The following GABRR2 variants were observed in gnomAD, a reference collection of about 807,000 sequenced individuals.
GABRR2 encodes gamma-aminobutyric acid type A receptor subunit rho2, also known as gamma-aminobutyric acid receptor subunit rho-2.
Under a neutral mutation model 47.0 loss-of-function variants are expected in GABRR2, and 36 were observed. The observed-to-expected ratio is 0.77, with a 90% CI of 0.59 to 1.01. GABRR2 has a LOEUF of 1.01. Among genes scored for constraint, GABRR2 ranks in the 50% least tolerant of loss-of-function variants. The probability of loss-of-function intolerance (pLI) is 0.00; values close to 1 mark genes in which losing one functional copy is unlikely to be tolerated. For synonymous variants in GABRR2, 204 were observed against 227.5 expected, an observed-to-expected ratio of 0.90 and a Z score of 0.93; for missense variants, 587 against 594.6, an observed-to-expected ratio of 0.99 and a Z score of 0.13.
At chr6:89,311,535 A>T (rs1582468923) in intron 1 of GABRR2, among the ~76,000 whole-genome samples, 1 of 151,876 alleles carries the variant, frequency 6.6e-6, no homozygotes, top group Non-Finnish European at 1.5e-5. Context: ...CTGAGCCCCC[A>T]CCCACCCATG....
At position 89,267,689 on chromosome 6, in the gene GABRR2, G is replaced by A. The variant is rs141646911; in HGVS notation, c.726C>T (p.Tyr242=). The A allele has an allele frequency of 2.7e-5, 43 of 1,613,112 alleles. No individual in the cohort carries two copies. The highest frequency in any genetic ancestry group is 3.5e-5 in the Non-Finnish European group (41 of 1,179,588). The part of the protein sequence containing the change: ...KFHTTSRLAF[Y]SSTGWYNRLY... ...GCAAAAGATAGCTACCAGTGCTGCT[G>A]TAGAAGGCCAGCCTGGAAGTTGTGT... The change falls in exon 6 of 9, where the codon TAC becomes TAT. Residue 242 remains tyrosine (Y), a synonymous_variant. Coordinates refer to ENST00000402938, the MANE Select transcript of GABRR2 (RefSeq NM_002043.5).
intron 2 of GABRR2, among the ~76,000 whole-genome samples, chr6:89,273,482 G>A (rs1024898505): frequency 3.9e-5 from 6 of 152,166 alleles, no homozygotes; most frequent in East Asian, 1.9e-4. Flanking sequence ...TGATCCGCCC[G>A]CCTCGGCCTC....
intron 2 of GABRR2, among the ~76,000 whole-genome samples, chr6:89,293,688 G>A (rs1774507282): frequency 6.6e-6 from 1 of 152,236 alleles, no homozygotes. Context: ...TCAGGAGGCT[G>A]AAGTGGAAGG....
Position 89,257,427 on chromosome 6 carries a change from G to C in GABRR2, c.*243C>G, listed in dbSNP as rs1773623845. ...GTGAATTAGTTCACACACAAGAACA[G>C]AAGGTCCCAGAGAGATGTGAAGTGT... On this transcript the variant is annotated 3_prime_UTR_variant, in exon 9 of 9. Transcript: ENST00000402938. 1 of 507,760 alleles carries C rather than the reference G, an allele frequency of 2.0e-6. No individual in the cohort carries two copies. Among genetic ancestry groups the C allele is most frequent in the Non-Finnish European group, 3.5e-6 (1 of 287,256 alleles). The allele number at this position is 507,760 out of a possible 1,614,324, so 31.5% of individuals were successfully genotyped here.
rs1773642024 is a variant in GABRR2 at position 89,257,877 on chromosome 6, G to A, written c.1191C>T (p.Ile397=). 5.0e-6 allele frequency: 8 copies of A among 1,614,030 alleles called. No homozygotes were observed. Among genetic ancestry groups the A allele is most frequent in the Non-Finnish European group, 6.8e-6 (8 of 1,179,874 alleles). Residue 397 remains isoleucine, a synonymous_variant, in exon 9 of 9, where the codon ATC becomes ATT. Coordinates refer to ENST00000402938, the MANE Select transcript of GABRR2 (RefSeq NM_002043.5). ...NSLAGYPRSH[I]LTEEERQDKI... is the part of the protein sequence containing the mutation. ...TGTCTTGCCTTTCTTCTTCTGTCAG[G>A]ATATGGCTTCTGGGGTACCCAGCCA...
intron 2 of GABRR2, among the ~76,000 whole-genome samples, chr6:89,273,892 C>G (rs1774108717): frequency 6.6e-6 from 1 of 152,238 alleles, no homozygotes; most frequent in Admixed American, 6.5e-5. Flanking sequence ...CCTACTTTCT[C>G]TAAAGTGCCA....
chr6:89,288,875 G>A (rs758624534), intron 2 of GABRR2, among the ~76,000 whole-genome samples: 4 of 152,096 alleles, frequency 2.6e-5, no homozygotes, highest in South Asian at 2.1e-4. Context: ...TTCAAATTCC[G>A]GCCTCAAGAG....
intron 1 of GABRR2, among the ~76,000 whole-genome samples, chr6:89,314,342 C>G (rs552704462): frequency 6.6e-6 from 1 of 152,146 alleles, no homozygotes; most frequent in East Asian, 1.9e-4. Context: ...GTCCTTATGT[C>G]TACTTCAGGC....
intron 2 of GABRR2, among the ~76,000 whole-genome samples, chr6:89,287,134 G>A (rs909166214): frequency 3.3e-5 from 5 of 152,158 alleles, no homozygotes; most frequent in South Asian, 2.1e-4. Flanking sequence ...CGCGGCAACC[G>A]GGGCCCTGCT....
In GABRR2 at chr6:89,256,978, A is replaced by C. The variant is rs1773612721; in HGVS notation, c.*692T>G. ...GGGTTGAAGGAGGGGAAAGAGCAGA[A>C]GTACATCATGCCATATGTAGAATGA... On this transcript the variant is annotated 3_prime_UTR_variant, in exon 9 of 9. Transcript: ENST00000402938. Among the ~76,000 whole-genome samples, 1 of 152,196 alleles carries C rather than the reference A, an allele frequency of 6.6e-6. No homozygotes were observed. Among genetic ancestry groups the C allele is most frequent in the Admixed American group, 6.5e-5 (1 of 15,284 alleles).
chr6:89,307,105 C>T (rs1767581239), intron 1 of GABRR2, among the ~76,000 whole-genome samples: 1 of 152,194 alleles, frequency 6.6e-6, no homozygotes, highest in Admixed American at 6.5e-5. Context: ...GAAATTTAAA[C>T]CAATTCCATT....
At chr6:89,267,219 C>T (rs1228570209) in intron 6 of GABRR2, among the ~76,000 whole-genome samples, 1 of 151,964 alleles carries the variant, frequency 6.6e-6, no homozygotes, top group Non-Finnish European at 1.5e-5. Context: ...AGGCTGGTCT[C>T]GAACTCCTGG....
rs1300557996 is a variant in GABRR2 at position 89,255,760 on chromosome 6, G to C, written c.*1910C>G. On this transcript the variant is annotated 3_prime_UTR_variant, in exon 9 of 9. Transcript: ENST00000402938. Reference sequence around the variant, plus strand: ...TCTCCCCATGCGTCCGCTCAAGCTGGTCTCTTGGCTGGTAGAGCTTCCTGG... The same window carrying C: ...TCTCCCCATGCGTCCGCTCAAGCTGCTCTCTTGGCTGGTAGAGCTTCCTGG... Among the ~76,000 whole-genome samples the C allele has an allele frequency of 6.6e-6, 1 of 152,110 alleles. No individual in the cohort carries two copies. Among genetic ancestry groups the C allele is most frequent in the African/African-American group, 2.4e-5 (1 of 41,408 alleles).
intron 2 of GABRR2, among the ~76,000 whole-genome samples, chr6:89,277,279 C>T (rs570267783): frequency 7.2e-5 from 11 of 152,334 alleles, no homozygotes; most frequent in Admixed American, 4.6e-4. Flanking sequence ...CTTGCTTCTC[C>T]TTCACCTTCT....
intron 6 of GABRR2, among the ~76,000 whole-genome samples, chr6:89,266,831 T>G (rs1205755100): frequency 6.6e-6 from 1 of 152,138 alleles, no homozygotes; most frequent in Admixed American, 6.6e-5. Flanking sequence ...TCTTTATTTT[T>G]TTGAATAGAG....
Position 89,264,627 on chromosome 6 carries a change from G to T in GABRR2, c.890-19C>A. Reference sequence around the variant, plus strand: ...GTGATACCTGCAACACCCGGCCTTAGTTGGGCTGCTGACAGCGGTCTAGAA... The same window carrying T: ...GTGATACCTGCAACACCCGGCCTTATTTGGGCTGCTGACAGCGGTCTAGAA... On this transcript the variant is annotated intron_variant, in intron 7 of 8. Transcript: ENST00000402938. 6.2e-7 allele frequency: 1 copy of T among 1,613,448 alleles called. No homozygotes were observed.
intron 2 of GABRR2, among the ~76,000 whole-genome samples, chr6:89,277,815 G>T (rs12211653): frequency 1.4e-5 from 2 of 138,702 alleles, no homozygotes; most frequent in African/African-American, 2.6e-5. Context: ...CCAGGTGTTG[G>T]CAAGGATATG....
At chr6:89,296,897 A>G (rs1228668976) in intron 2 of GABRR2, among the ~76,000 whole-genome samples, 1 of 152,230 alleles carries the variant, frequency 6.6e-6, no homozygotes, top group Admixed American at 6.5e-5. Context: ...AAAGAAACCT[A>G]AGTTCTGCCT....
In GABRR2 at chr6:89,255,722, CA is replaced by C. The variant is rs1773587149; in HGVS notation, c.*1947del. ...CCACAAACCCTGTTCTCTGCAATGG[CA>C]AACCTTCCCATTCTCCCCATGCGTC... On this transcript the variant is annotated 3_prime_UTR_variant, in exon 9 of 9. Coordinates refer to ENST00000402938, the MANE Select transcript of GABRR2 (RefSeq NM_002043.5). Among the ~76,000 whole-genome samples the C allele has an allele frequency of 1.3e-5, 2 of 152,112 alleles. No homozygotes were observed. Among genetic ancestry groups the C allele is most frequent in the Non-Finnish European group, 2.9e-5 (2 of 68,014 alleles).
Sources: allele counts gnomAD v4.1 joint callset (sites outside exome capture counted in the v4.1 genomes callset), GRCh38; gene constraint gnomAD v4.1.1; transcripts MANE v1.5; gene names NCBI Gene and HGNC (gene_info 2026-07-23, HGNC 2026-07-21).